SLC41A2: variants seen among roughly 807,000 people sequenced by gnomAD.
The protein encoded by SLC41A2 is SLC41A1-like 1.
SLC41A2 carries 32 observed loss-of-function variants against 58.3 expected under a neutral mutation model. The ratio of observed to expected loss-of-function variants is 0.55; its 90% CI spans 0.41 to 0.74. The LOEUF (loss-of-function observed/expected upper bound fraction) is 0.74, where lower values mean the gene tolerates loss of function less well. Ranked by LOEUF, SLC41A2 falls within the 30% of genes least tolerant of loss-of-function variation. The pLI, the probability that SLC41A2 is intolerant of heterozygous loss-of-function variation, is 0.00. For synonymous variants in SLC41A2, 190 were observed against 235.0 expected, an observed-to-expected ratio of 0.81 and a Z score of 1.75; for missense variants, 514 against 680.6, an observed-to-expected ratio of 0.76 and a Z score of 2.72.
intron 10 of SLC41A2, among the ~76,000 whole-genome samples, chr12:104,830,098 C>T (rs1431757318): frequency 6.6e-6 from 1 of 152,176 alleles, no homozygotes; most frequent in Admixed American, 6.5e-5. Context: ...ATGGAATTAA[C>T]CAGATTGTTC....
intron 2 of SLC41A2, among the ~76,000 whole-genome samples, chr12:104,912,708 AC>A (rs1336219101): frequency 6.6e-6 from 1 of 152,178 alleles, no homozygotes; most frequent in African/African-American, 2.4e-5. Context: ...GATCACCGGA[AC>A]CCCAGCTTAA....
chr12:104,812,592 A>C (rs1321585269), intron 10 of SLC41A2, among the ~76,000 whole-genome samples: 1 of 152,140 alleles, frequency 6.6e-6, no homozygotes. Context: ...CTTTGGAACT[A>C]TCTAGAAAAT....
intron 3 of SLC41A2, among the ~76,000 whole-genome samples, chr12:104,901,846 T>C (rs1464848453): frequency 6.6e-6 from 1 of 152,210 alleles, no homozygotes; most frequent in Non-Finnish European, 1.5e-5. Flanking sequence ...TAAAAACAAA[T>C]GACCTTCCAC....
chr12:104,804,648 A>G lies in SLC41A2; in HGVS notation c.*504T>C, dbSNP rs2040828132. Reference sequence around the variant, plus strand: ...AAAACATATTTAGGTCAGTTTAAATATGAGCAACTGGTAAATTTATCCTCA... The same window carrying G: ...AAAACATATTTAGGTCAGTTTAAATGTGAGCAACTGGTAAATTTATCCTCA... On this transcript the variant is annotated 3_prime_UTR_variant, in exon 11 of 11. Transcript: ENST00000258538. The G allele has an allele frequency of 6.5e-6, 1 of 152,672 alleles. No homozygotes were observed. The allele number at this position is 152,672 out of a possible 1,614,324, so 9.5% of individuals were successfully genotyped here. A position where few individuals can be genotyped will look rare whatever the true frequency, so the allele number is the denominator to read the frequency against.
At position 104,944,145 on chromosome 12, in the gene SLC41A2, T is replaced by C. The variant is rs573423107; in HGVS notation, c.-168+13943A>G. On this transcript the variant is annotated intron_variant, in intron 1 of 10. Coordinates refer to ENST00000258538, the MANE Select transcript of SLC41A2 (RefSeq NM_001352171.3). Reference sequence around the variant, plus strand: ...GACCACGAATATCTCATAATTTTCATGGCTATCACATCTTAAATACTTATT... The same window carrying C: ...GACCACGAATATCTCATAATTTTCACGGCTATCACATCTTAAATACTTATT... Among the ~76,000 whole-genome samples the C allele has an allele frequency of 2.2e-3, 335 of 152,364 alleles. 1 individual carries two copies. Among genetic ancestry groups the C allele is most frequent in the Non-Finnish European group, 4.4e-3 (298 of 68,036 alleles).
At chr12:104,911,498 G>C (rs1034507257) in intron 2 of SLC41A2, among the ~76,000 whole-genome samples, 1 of 152,012 alleles carries the variant, frequency 6.6e-6, no homozygotes, top group Admixed American at 6.6e-5. Context: ...GCTATTAAGA[G>C]GTGATTATCC....
chr12:104,886,497 C>T lies in SLC41A2; in HGVS notation c.881-58G>A. The T allele has an allele frequency of 3.2e-6, 5 of 1,551,958 alleles. No homozygotes were observed. The South Asian group carries it at 4.6e-5, about 14-fold the overall frequency. ...TATGATTTAAAGAAAATCAATCCCC[C>T]AAATACCAAAATGTGTAGGATAGAA... On this transcript the variant is annotated intron_variant, in intron 5 of 10. Coordinates refer to ENST00000258538, the MANE Select transcript of SLC41A2 (RefSeq NM_001352171.3).
chr12:104,950,358 G>A (rs935739839), intron 1 of SLC41A2, among the ~76,000 whole-genome samples: 4 of 151,920 alleles, frequency 2.6e-5, no homozygotes, highest in Non-Finnish European at 5.9e-5. Context: ...GTTTTATAAG[G>A]GACTGTTCTG....
At chr12:104,805,884 T>G (rs758925362) in intron 10 of SLC41A2, among the ~76,000 whole-genome samples, 60 of 152,256 alleles carry the variant, frequency 3.9e-4, no homozygotes, top group Admixed American at 1.3e-3. Flanking sequence ...TATAGATAGA[T>G]ATATACATAA....
chr12:104,882,945 T>C (rs1489691952), intron 6 of SLC41A2, among the ~76,000 whole-genome samples: 1 of 152,208 alleles, frequency 6.6e-6, no homozygotes, highest in Non-Finnish European at 1.5e-5. Flanking sequence ...CCTCATCACT[T>C]TCAGGTATAC....
At chr12:104,892,727 CA>C (rs1489668858) in intron 4 of SLC41A2, among the ~76,000 whole-genome samples, 4 of 151,994 alleles carry the variant, frequency 2.6e-5, no homozygotes, top group Admixed American at 6.6e-5. Flanking sequence ...TCATTTTTGC[CA>C]AAAGTGCCAA....
At chr12:104,810,093 T>C (rs1478477953) in intron 10 of SLC41A2, among the ~76,000 whole-genome samples, 1 of 152,146 alleles carries the variant, frequency 6.6e-6, no homozygotes, top group Non-Finnish European at 1.5e-5. Flanking sequence ...AGATGTGAAC[T>C]TAAGACAAAG....
At chr12:104,887,213 A>G (rs1291273342) in intron 5 of SLC41A2, among the ~76,000 whole-genome samples, 1 of 152,010 alleles carries the variant, frequency 6.6e-6, no homozygotes, top group African/African-American at 2.4e-5. Flanking sequence ...AAATGTGCTA[A>G]CCACAAATCA....
At chr12:104,879,365 T>C (rs966583681) in intron 6 of SLC41A2, among the ~76,000 whole-genome samples, 2 of 152,234 alleles carry the variant, frequency 1.3e-5, no homozygotes, top group Non-Finnish European at 2.9e-5. Flanking sequence ...TTTGGTGTTT[T>C]AGTCATGAAG....
intron 10 of SLC41A2, among the ~76,000 whole-genome samples, chr12:104,827,164 C>T (rs2041875086): frequency 6.6e-6 from 1 of 152,222 alleles, no homozygotes; most frequent in East Asian, 1.9e-4. Flanking sequence ...GTAAAGCACA[C>T]CTCTCTTATC....
chr12:104,871,558 A>G (rs1394550364), intron 6 of SLC41A2, among the ~76,000 whole-genome samples: 1 of 152,150 alleles, frequency 6.6e-6, no homozygotes, highest in Non-Finnish European at 1.5e-5. Context: ...ATGTGTTGCC[A>G]TTTTTATTTT....
chr12:104,808,312 C>G (rs894408663), intron 10 of SLC41A2, among the ~76,000 whole-genome samples: 5 of 152,156 alleles, frequency 3.3e-5, no homozygotes, highest in African/African-American at 1.2e-4. Context: ...TTTTCTGCAT[C>G]TATTGAGATA....
intron 8 of SLC41A2, among the ~76,000 whole-genome samples, chr12:104,850,211 G>C (rs1037109407): frequency 6.6e-6 from 1 of 152,152 alleles, no homozygotes; most frequent in Non-Finnish European, 1.5e-5. Context: ...CCAAAAAAAA[G>C]TGATGAAACT....
intron 1 of SLC41A2, among the ~76,000 whole-genome samples, chr12:104,955,160 T>C (rs1272313586): frequency 2.0e-5 from 3 of 151,466 alleles, no homozygotes; most frequent in African/African-American, 7.3e-5. Context: ...GGATTACAGG[T>C]GCCCGCCAGC....
Sources: gnomAD v4.1 joint callset for allele counts (sites outside exome capture counted in the v4.1 genomes callset) on GRCh38, gnomAD v4.1.1 for gene constraint, MANE v1.5 for transcripts, NCBI Gene and HGNC (gene_info 2026-07-23, HGNC 2026-07-21) for gene names.